PBK: variants seen among roughly 807,000 people sequenced by gnomAD.
The protein encoded by PBK is lymphokine-activated killer T-cell-originated protein kinase.
A neutral mutation model predicts 33.5 loss-of-function variants in PBK; 22 were observed. That is an observed-to-expected ratio of 0.66 (90% CI 0.47 to 0.94). PBK has a LOEUF of 0.94. Among genes scored for constraint, PBK ranks in the 40% least tolerant of loss-of-function variants. PBK has a pLI of 0.00. For synonymous variants in PBK, 129 were observed against 123.8 expected, an observed-to-expected ratio of 1.04 and a Z score of -0.28; for missense variants, 376 against 383.4, an observed-to-expected ratio of 0.98 and a Z score of 0.16.
In PBK at chr8:27,833,149, A is replaced by ATTGCTGTGTAAC; in HGVS notation, c.-20-17_-20-16insGTTACACAGCAA. On this transcript the variant is annotated splice_polypyrimidine_tract_variant and intron_variant, in intron 1 of 7. Transcript: ENST00000301905. ...ACTCTCAGTCCTACGATGAAAACAA[A>ATTGCTGTGTAAC]TTGCAAGTTACACAGCAGATATAAA... 1 of 1,375,804 alleles carries ATTGCTGTGTAAC rather than the reference A, an allele frequency of 7.3e-7. No homozygotes were observed. Among genetic ancestry groups the ATTGCTGTGTAAC allele is most frequent in the South Asian group, 1.3e-5 (1 of 79,724 alleles). The allele number at this position is 1,375,804 out of a possible 1,614,324, so 85.2% of individuals were successfully genotyped here. A position where few individuals can be genotyped will look rare whatever the true frequency, so the allele number is the denominator to read the frequency against.
intron 3 of PBK, among the ~76,000 whole-genome samples, chr8:27,825,984 T>C (rs1224393705): frequency 6.6e-6 from 1 of 152,154 alleles, no homozygotes; most frequent in Non-Finnish European, 1.5e-5. Context: ...ACAGGAACTA[T>C]TCAGATTCCA....
At position 27,823,122 on chromosome 8, in the gene PBK, T is replaced by G; in HGVS notation, c.236A>C (p.Gln79Pro). The G allele has an allele frequency of 6.3e-7, 1 of 1,578,790 alleles. No homozygotes were observed. The highest frequency in any genetic ancestry group is 2.2e-5 in the East Asian group (1 of 44,506). ...CTTAGCTTCATCCATTAGTCTCTTT[T>G]GATACACACTTCGATAATGATCATT... ...ICNDHYRSVY[Q>P]KRLMDEAKIL... Residue 79 changes from glutamine (Q) to proline (P), a missense_variant, in exon 4 of 8, where the codon CAA becomes CCA. Physicochemically the swap from Gln to Pro is moderately conservative, Grantham distance 76 (BLOSUM62 -1). Coordinates refer to ENST00000301905, the MANE Select transcript of PBK (RefSeq NM_018492.4).
At position 27,812,639 on chromosome 8, in the gene PBK, A is replaced by C. The variant is rs556759933; in HGVS notation, c.596-1505T>G. On this transcript the variant is annotated intron_variant, in intron 6 of 7. Transcript: ENST00000301905. ...AAATTTACAAGAAAAAAAAAAAAAA[A>C]AACATCAAAAAGTGGGCAAAGGATA... 390 of 136,982 alleles carry C rather than the reference A, an allele frequency of 2.8e-3. 7 individuals carry two copies. Among genetic ancestry groups the C allele is most frequent in the African/African-American group, 9.4e-3 (371 of 39,602 alleles). The allele number at this position is 136,982 out of a possible 1,614,324, so 8.5% of individuals were successfully genotyped here. A position where few individuals can be genotyped will look rare whatever the true frequency, so the allele number is the denominator to read the frequency against.
At chr8:27,827,143 C>T (rs1563493983) in intron 3 of PBK, among the ~76,000 whole-genome samples, 2 of 152,062 alleles carry the variant, frequency 1.3e-5, no homozygotes, top group Non-Finnish European at 2.9e-5. Flanking sequence ...AGCTAAGATA[C>T]GGAGGGTTGG....
At chr8:27,834,847 G>C (rs1337435547) in intron 1 of PBK, among the ~76,000 whole-genome samples, 5 of 151,382 alleles carry the variant, frequency 3.3e-5, no homozygotes, top group African/African-American at 1.2e-4. Flanking sequence ...AGTGAGCAGA[G>C]ATCGTGCCAC....
chr8:27,828,972 A>T (rs1753858496), intron 2 of PBK, among the ~76,000 whole-genome samples: 1 of 152,088 alleles, frequency 6.6e-6, no homozygotes, highest in Non-Finnish European at 1.5e-5. Flanking sequence ...TCACTGCCCT[A>T]ACTTACTGCT....
chr8:27,813,797 A>G (rs2033736656), intron 6 of PBK, among the ~76,000 whole-genome samples: 1 of 152,230 alleles, frequency 6.6e-6, no homozygotes, highest in African/African-American at 2.4e-5. Context: ...TTCCTGGAAT[A>G]AGTCCTAGTT....
At chr8:27,812,140 GTCTTGTTCCCTAC>G (rs1351688446) in intron 6 of PBK, 3 of 152,060 alleles carry the variant, frequency 2.0e-5, no homozygotes, top group African/African-American at 7.2e-5. Context: ...AGGCATCCTG[GTCTTGTTCCCTAC>G]TTCAGTATGA....
chr8:27,830,570 T>C (rs1343544235), intron 2 of PBK, among the ~76,000 whole-genome samples: 1 of 152,256 alleles, frequency 6.6e-6, no homozygotes, highest in East Asian at 1.9e-4. Flanking sequence ...TACATCATGC[T>C]GCCATGTGGA....
chr8:27,811,354 A>G (rs1339957979), intron 6 of PBK: 1 of 596,882 alleles, frequency 1.7e-6, no homozygotes, highest in East Asian at 2.8e-5. Context: ...GTAGAGAAAC[A>G]GCAATTCTCT....
chr8:27,813,945 AG>A (rs1267549395), intron 6 of PBK, among the ~76,000 whole-genome samples: 9 of 151,690 alleles, frequency 5.9e-5, no homozygotes, highest in Non-Finnish European at 1.2e-4. Context: ...TGTACATAGC[AG>A]GTGTACATGT....
intron 6 of PBK, among the ~76,000 whole-genome samples, chr8:27,817,781 T>C (rs1175779935): frequency 6.6e-6 from 1 of 152,162 alleles, no homozygotes; most frequent in Non-Finnish European, 1.5e-5. Flanking sequence ...TGAAAGGTTC[T>C]ACCACAAGAA....
At chr8:27,822,613 A>C (rs1805952038) in intron 4 of PBK, 125 bp from the exon 5 acceptor site, 5 of 596,052 alleles carry the variant, frequency 8.4e-6, no homozygotes, top group Non-Finnish European at 1.1e-5. Context: ...TGAAACAGCT[A>C]CTATTTACAA....
At chr8:27,831,674 T>C (rs1022717654) in intron 2 of PBK, among the ~76,000 whole-genome samples, 1 of 151,854 alleles carries the variant, frequency 6.6e-6, no homozygotes. Flanking sequence ...ATTAAGAAAA[T>C]ATACAATACT....
chr8:27,812,766 T>G (rs1235344770), intron 6 of PBK: 4 of 152,046 alleles, frequency 2.6e-5, no homozygotes. Context: ...AAAACCACAA[T>G]GAGATACCAT....
intron 1 of PBK, among the ~76,000 whole-genome samples, chr8:27,833,334 A>AC (rs1002259716): frequency 6.6e-6 from 1 of 151,970 alleles, no homozygotes; most frequent in African/African-American, 2.4e-5. Flanking sequence ...ATATGGAGAA[A>AC]CCCCGTCTCT....
At chr8:27,819,602 G>A (rs1280795640) in intron 6 of PBK, among the ~76,000 whole-genome samples, 2 of 151,958 alleles carry the variant, frequency 1.3e-5, no homozygotes, top group African/African-American at 4.8e-5. Flanking sequence ...ATAATTCGAA[G>A]TTTTTTTGTG....
At position 27,828,186 on chromosome 8, in the gene PBK, G is replaced by A; in HGVS notation, c.71C>T (p.Thr24Ile). 1 of 1,530,722 alleles carries A rather than the reference G, an allele frequency of 6.5e-7. No homozygotes were observed. Among genetic ancestry groups the A allele is most frequent in the Non-Finnish European group, 9.0e-7 (1 of 1,108,266 alleles). The allele number at this position is 1,530,722 out of a possible 1,614,324, so 94.8% of individuals were successfully genotyped here. The change falls in exon 3 of 8, where the codon ACT becomes ATT. Residue 24 changes from threonine (T) to isoleucine (I), a missense_variant. Coordinates refer to ENST00000301905, the MANE Select transcript of PBK (RefSeq NM_018492.4). The stretch of plus-strand genomic sequence containing the variant: ...AGAGGCCGGGATATTTATAGTTGGA[G>A]TTGAACATAATACTAAATGTCAGAG... ...SEKKKSVLCS[T>I]PTINIPASPF... is the part of the protein sequence containing the mutation.
At position 27,810,179 on chromosome 8, in the gene PBK, T is replaced by A. The variant is rs1585418101; in HGVS notation, c.*126A>T. 5 of 661,666 alleles carry A rather than the reference T, an allele frequency of 7.6e-6. No individual in the cohort carries two copies. In the East Asian group the frequency reaches 1.4e-4, roughly 18 times the overall value. 41.0% of individuals were successfully genotyped at this position (661,666 alleles called of 1,614,324 possible). The stretch of plus-strand genomic sequence containing the variant: ...TTCATATTAGAAATAGTTATCCATA[T>A]GTTAACAAGAAACTATGGTCCTCAA... On this transcript the variant is annotated 3_prime_UTR_variant, in exon 8 of 8. Transcript: ENST00000301905.
Sources: gnomAD v4.1 joint callset for allele counts (sites outside exome capture counted in the v4.1 genomes callset) on GRCh38, gnomAD v4.1.1 for gene constraint, MANE v1.5 for transcripts, NCBI Gene and HGNC (gene_info 2026-07-23, HGNC 2026-07-21) for gene names.